Variants in ADCY2 observed in about 807,000 individuals in gnomAD.
The protein encoded by ADCY2 is adenylate cyclase 2.
ADCY2 carries 31 observed loss-of-function variants against 125.2 expected under a neutral mutation model. The observed-to-expected ratio is 0.25, with a 90% CI of 0.19 to 0.33. ADCY2 has a LOEUF of 0.33. Ranked by LOEUF, ADCY2 falls within the 10% of genes least tolerant of loss-of-function variation. The pLI, the probability that ADCY2 is intolerant of heterozygous loss-of-function variation, is 1.00. For missense variants in ADCY2, 904 were observed against 1,418.2 expected (o/e 0.64, Z 5.82); for synonymous variants, 512 against 548.4 (o/e 0.93, Z 0.93).
At position 7,621,011 on chromosome 5, in the gene ADCY2, AC is replaced by A. The variant is rs566327449; in HGVS notation, c.571-5152del. ...TCTGCTTGGGCCATTTTAGTTTGCC[AC>A]CCCAACATGAGGTTAAGAATTAGAA... On this transcript the variant is annotated intron_variant, in intron 3 of 24. Coordinates refer to ENST00000338316, the MANE Select transcript of ADCY2 (RefSeq NM_020546.3). Among the ~76,000 whole-genome samples the A allele has an allele frequency of 5.9e-5, 9 of 152,268 alleles. No individual in the cohort carries two copies. The South Asian group carries it at 1.9e-3, about 32-fold the overall frequency.
At chr5:7,674,881 C>T (rs1330818986) in intron 4 of ADCY2, among the ~76,000 whole-genome samples, 6 of 152,048 alleles carry the variant, frequency 3.9e-5, no homozygotes, top group Admixed American at 2.0e-4. Context: ...TTTGGCTGGG[C>T]GCGGTGGCTC....
chr5:7,470,526 A>G (rs566055666), intron 2 of ADCY2, among the ~76,000 whole-genome samples: 3 of 148,290 alleles, frequency 2.0e-5, no homozygotes, highest in Admixed American at 6.7e-5. Flanking sequence ...ATATGAAACT[A>G]TATACATATA....
At chr5:7,437,211 G>A (rs115823985) in intron 2 of ADCY2, among the ~76,000 whole-genome samples, 507 of 152,312 alleles carry the variant, frequency 3.3e-3, no homozygotes, top group Non-Finnish European at 5.0e-3. Flanking sequence ...GCTTATGGGT[G>A]CTCAGCCTCC....
At chr5:7,596,557 G>C (rs56693438) in intron 3 of ADCY2, among the ~76,000 whole-genome samples, 1 of 152,282 alleles carries the variant, frequency 6.6e-6, no homozygotes, top group East Asian at 1.9e-4. Context: ...GCTGAGCTGG[G>C]AGCTCTGGAG....
At chr5:7,550,652 C>T (rs1342335028) in intron 3 of ADCY2, among the ~76,000 whole-genome samples, 2 of 152,172 alleles carry the variant, frequency 1.3e-5, no homozygotes, top group Non-Finnish European at 2.9e-5. Context: ...GCCAGCATCC[C>T]TGTGTCTTGT....
At chr5:7,670,704 A>G (rs1561157356) in intron 4 of ADCY2, among the ~76,000 whole-genome samples, 1 of 152,220 alleles carries the variant, frequency 6.6e-6, no homozygotes, top group Admixed American at 6.5e-5. Context: ...ATCATCAGTC[A>G]TTAGATTCTC....
At chr5:7,780,727 A>G (rs1166831748) in intron 18 of ADCY2, among the ~76,000 whole-genome samples, 1 of 152,170 alleles carries the variant, frequency 6.6e-6, no homozygotes, top group African/African-American at 2.4e-5. Flanking sequence ...TGAAGGTGGG[A>G]TAATGTTTGT....
chr5:7,595,802 G>A (rs1736985223), intron 3 of ADCY2, among the ~76,000 whole-genome samples: 1 of 151,970 alleles, frequency 6.6e-6, no homozygotes, highest in South Asian at 2.1e-4. Context: ...TTATAATATC[G>A]AATACAATGT....
At chr5:7,688,737 C>T (rs1015180821) in intron 4 of ADCY2, among the ~76,000 whole-genome samples, 1 of 152,190 alleles carries the variant, frequency 6.6e-6, no homozygotes. Context: ...TGACCACCCA[C>T]AGGGTGCCTC....
chr5:7,492,914 C>T (rs989294220), intron 2 of ADCY2, among the ~76,000 whole-genome samples: 1 of 152,056 alleles, frequency 6.6e-6, no homozygotes, highest in African/African-American at 2.4e-5. Context: ...TGTGATGAGA[C>T]CCCTGCTAAG....
chr5:7,657,915 G>A (rs1739393354), intron 4 of ADCY2: 1 of 152,218 alleles, frequency 6.6e-6, no homozygotes. Context: ...GACTGAGGAG[G>A]GAGGCAGCTC....
chr5:7,561,576 T>A (rs1735709035), intron 3 of ADCY2, among the ~76,000 whole-genome samples: 1 of 152,254 alleles, frequency 6.6e-6, no homozygotes, highest in South Asian at 2.1e-4. Context: ...TTTTAGAATG[T>A]GAAGACAAAT....
intron 2 of ADCY2, among the ~76,000 whole-genome samples, chr5:7,465,475 G>A (rs558540124): frequency 2.6e-5 from 4 of 152,246 alleles, no homozygotes; most frequent in Middle Eastern, 3.4e-3. Flanking sequence ...ACAAGCCTCC[G>A]TCTAATTCTG....
intron 4 of ADCY2, among the ~76,000 whole-genome samples, chr5:7,631,378 A>C (rs1401089354): frequency 1.3e-5 from 2 of 152,184 alleles, no homozygotes; most frequent in African/African-American, 4.8e-5. Flanking sequence ...TCTAGGACCT[A>C]AGTCGTTTTT....
At chr5:7,572,903 C>T (rs1736108814) in intron 3 of ADCY2, among the ~76,000 whole-genome samples, 1 of 152,080 alleles carries the variant, frequency 6.6e-6, no homozygotes, top group South Asian at 2.1e-4. Context: ...AACCCCTAGT[C>T]CCCATAATAG....
At chr5:7,774,031 TA>T (rs1743637756) in intron 18 of ADCY2, among the ~76,000 whole-genome samples, 1 of 152,218 alleles carries the variant, frequency 6.6e-6, no homozygotes, top group South Asian at 2.1e-4. Flanking sequence ...ACATTTATTT[TA>T]AAATAATATA....
chr5:7,693,670 G>A (rs967094603), intron 5 of ADCY2, among the ~76,000 whole-genome samples: 3 of 152,052 alleles, frequency 2.0e-5, no homozygotes, highest in East Asian at 1.9e-4. Flanking sequence ...TGATCCACCC[G>A]CCTTGGCCTC....
intron 3 of ADCY2, among the ~76,000 whole-genome samples, chr5:7,593,159 GTGAAGTTTTAGAA>G (rs745942787): frequency 6.6e-5 from 10 of 152,158 alleles, no homozygotes; most frequent in Non-Finnish European, 1.5e-4. Flanking sequence ...CCTTGAAGGA[GTGAAGTTTTAGAA>G]TGAAGTAAAT....
intron 2 of ADCY2, among the ~76,000 whole-genome samples, chr5:7,415,726 GT>G (rs1739915973): frequency 6.6e-6 from 1 of 152,150 alleles, no homozygotes; most frequent in Admixed American, 6.5e-5. Context: ...TGAGGAGAGT[GT>G]TGTCTAACTA....
Sources: allele counts gnomAD v4.1 joint callset (sites outside exome capture counted in the v4.1 genomes callset), GRCh38; gene constraint gnomAD v4.1.1; transcripts MANE v1.5; gene names NCBI Gene and HGNC (gene_info 2026-07-23, HGNC 2026-07-21).